Variants in ATL3 observed in about 807,000 individuals in gnomAD.
ATL3 encodes the protein atlastin GTPase 3.
ATL3 carries 49 observed loss-of-function variants against 69.5 expected under a neutral mutation model. That is an observed-to-expected ratio of 0.71 (90% confidence interval 0.56 to 0.89). The LOEUF (loss-of-function observed/expected upper bound fraction) is 0.89. ATL3 is among the 40% of genes least tolerant of loss of function. ATL3 has a pLI of 0.00. For synonymous variants in ATL3, 214 were observed against 224.1 expected, an observed-to-expected ratio of 0.95 and a Z score of 0.40; for missense variants, 606 against 645.7, an observed-to-expected ratio of 0.94 and a Z score of 0.67.
intron 5 of ATL3, among the ~76,000 whole-genome samples, chr11:63,647,580 T>C (rs1352241081): frequency 6.6e-6 from 1 of 152,188 alleles, no homozygotes; most frequent in South Asian, 2.1e-4. Context: ...TACTAGCATT[T>C]AAACTCCATG....
At chr11:63,637,170 G>A (rs1361989686) in intron 8 of ATL3, among the ~76,000 whole-genome samples, 4 of 152,018 alleles carry the variant, frequency 2.6e-5, no homozygotes, top group South Asian at 2.1e-4. Context: ...CCAGCTACTC[G>A]GGAGGCTGAA....
rs1303638366 is a variant in ATL3, at chr11:63,628,446, C to T, written c.*873G>A. 1 of 151,970 alleles carries T rather than the reference C, an allele frequency of 6.6e-6. No individual in the cohort carries two copies. Among genetic ancestry groups the T allele is most frequent in the Non-Finnish European group, 1.5e-5 (1 of 68,014 alleles). The allele number at this position is 151,970 out of a possible 1,614,324, so 9.4% of individuals were successfully genotyped here. ...TTCCACACTATGTGGCAACAGGATTCCCTATTGTAAATTTTTTTTGAGTGT... is the reference window on the plus strand; with the variant it reads ...TTCCACACTATGTGGCAACAGGATTTCCTATTGTAAATTTTTTTTGAGTGT... On this transcript the variant is annotated 3_prime_UTR_variant, in exon 13 of 13. Transcript: ENST00000398868.
intron 1 of ATL3, among the ~76,000 whole-genome samples, chr11:63,667,110 G>T (rs1940593783): frequency 6.6e-6 from 1 of 152,144 alleles, no homozygotes; most frequent in Admixed American, 6.6e-5. Context: ...CACTGTATAT[G>T]CTACCATGCC....
At chr11:63,647,134 C>T (rs1323209016) in intron 5 of ATL3, among the ~76,000 whole-genome samples, 3 of 152,194 alleles carry the variant, frequency 2.0e-5, no homozygotes, top group African/African-American at 7.2e-5. Context: ...TGAAGACTTC[C>T]ATGGCCATCT....
At chr11:63,648,703 G>A (rs1939969721) in intron 5 of ATL3, among the ~76,000 whole-genome samples, 1 of 152,128 alleles carries the variant, frequency 6.6e-6, no homozygotes, top group South Asian at 2.1e-4. Context: ...CAGCTTCTCA[G>A]GAGGCTGAGG....
chr11:63,636,549 A>C (rs1590721983), intron 8 of ATL3, among the ~76,000 whole-genome samples: 1 of 151,566 alleles, frequency 6.6e-6, no homozygotes, highest in Non-Finnish European at 1.5e-5. Flanking sequence ...GACCAGCCTG[A>C]CCAACATGGT....
intron 6 of ATL3, among the ~76,000 whole-genome samples, chr11:63,645,371 G>A (rs1004609181): frequency 6.6e-6 from 1 of 151,606 alleles, no homozygotes; most frequent in Non-Finnish European, 1.5e-5. Flanking sequence ...CTCCAGCCTG[G>A]GCAAAATTTT....
chr11:63,633,733 AG>A (rs113205258), intron 10 of ATL3, among the ~76,000 whole-genome samples: 79,686 of 127,530 alleles, frequency 0.62, 25,435 homozygotes, highest in African/African-American at 0.74. Flanking sequence ...AAAAAAAAAA[AG>A]AAGAAGGAAA....
rs1939155150 is a variant in ATL3, at chr11:63,627,523, C to T, written c.*1796G>A. 1 of 152,062 alleles carries T rather than the reference C, an allele frequency of 6.6e-6. No homozygotes were observed. The highest frequency in any genetic ancestry group is 1.5e-5 in the Non-Finnish European group (1 of 67,986). The allele number at this position is 152,062 out of a possible 1,614,324, so 9.4% of individuals were successfully genotyped here. ...ATGCGAAAAGGGACTTTTTTTCTAC[C>T]TTCCATTCATACTTCATGTATGTAA... On this transcript the variant is annotated 3_prime_UTR_variant, in exon 13 of 13. Coordinates refer to ENST00000398868, the MANE Select transcript of ATL3 (RefSeq NM_015459.5).
At chr11:63,639,659 G>A (rs1939627058) in intron 8 of ATL3, among the ~76,000 whole-genome samples, 1 of 152,124 alleles carries the variant, frequency 6.6e-6, no homozygotes, top group Non-Finnish European at 1.5e-5. Flanking sequence ...GGAGGCTAAG[G>A]TGGGAGGATT....
intron 3 of ATL3, 150 bp from the exon 4 acceptor site, chr11:63,652,725 T>C (rs1222703822): frequency 9.9e-6 from 5 of 503,046 alleles, no homozygotes; most frequent in Non-Finnish European, 1.8e-5. Context: ...TGTACAACTA[T>C]TTAGGTGCTT....
At chr11:63,660,582 A>G (rs1940389871) in intron 1 of ATL3, among the ~76,000 whole-genome samples, 1 of 152,202 alleles carries the variant, frequency 6.6e-6, no homozygotes, top group South Asian at 2.1e-4. Context: ...AAGAGAAATG[A>G]ATGCCTATGT....
chr11:63,640,792 G>C (rs1939676583), intron 8 of ATL3, among the ~76,000 whole-genome samples: 1 of 151,796 alleles, frequency 6.6e-6, no homozygotes, highest in African/African-American at 2.4e-5. Context: ...AGCAGAGACA[G>C]GGTTTCACCA....
intron 1 of ATL3, among the ~76,000 whole-genome samples, chr11:63,669,904 C>T (rs1342293236): frequency 6.6e-6 from 1 of 151,978 alleles, no homozygotes; most frequent in African/African-American, 2.4e-5. Context: ...GCCGAGACTG[C>T]GCCACTGTAC....
intron 1 of ATL3, among the ~76,000 whole-genome samples, chr11:63,659,567 G>A (rs1940360913): frequency 6.6e-6 from 1 of 152,056 alleles, no homozygotes; most frequent in Non-Finnish European, 1.5e-5. Context: ...AGGTTACAGT[G>A]AGCTATGACC....
At chr11:63,663,962 G>A (rs1421078833) in intron 1 of ATL3, among the ~76,000 whole-genome samples, 2 of 152,140 alleles carry the variant, frequency 1.3e-5, no homozygotes, top group African/African-American at 4.8e-5. Flanking sequence ...CTGCTTGCTG[G>A]CTAGATGTAA....
intron 5 of ATL3, among the ~76,000 whole-genome samples, chr11:63,649,904 G>A (rs1940016990): frequency 6.6e-6 from 1 of 152,004 alleles, no homozygotes; most frequent in African/African-American, 2.4e-5. Flanking sequence ...TTCTTAAGTA[G>A]AATAAAATAT....
Position 63,651,984 on chromosome 11 carries a change from A to C in ATL3, c.513T>G (p.Ile171Met). The C allele has an allele frequency of 1.4e-5, 23 of 1,602,222 alleles. No homozygotes were observed. Among genetic ancestry groups the C allele is most frequent in the Non-Finnish European group, 1.9e-5 (22 of 1,176,610 alleles). Residue 171 changes from isoleucine (I) to methionine (M), a missense_variant and splice_region_variant, in exon 5 of 13, where the codon ATT becomes ATG. Coordinates refer to ENST00000398868, the MANE Select transcript of ATL3 (RefSeq NM_015459.5). The part of the protein sequence containing the change: ...ALSTMTSSVQ[I>M]YNLSQNIQED... Reference sequence around the variant, plus strand: ...CTTGAATGTTCTGAGATAAATTATAAATCTAGAAAACAAAAATCCAGATTG... The same window carrying C: ...CTTGAATGTTCTGAGATAAATTATACATCTAGAAAACAAAAATCCAGATTG...
rs969404808 is a variant in ATL3, at chr11:63,628,305, G to C, written c.*1014C>G. On this transcript the variant is annotated 3_prime_UTR_variant, in exon 13 of 13. Coordinates refer to ENST00000398868, the MANE Select transcript of ATL3 (RefSeq NM_015459.5). Reference sequence around the variant, plus strand: ...GCACGTTTGCCTCTTTTTCTAGAAAGAAGCTATAGGGACCAAAAAAAAAAA... The same window carrying C: ...GCACGTTTGCCTCTTTTTCTAGAAACAAGCTATAGGGACCAAAAAAAAAAA... 6.9e-6 allele frequency: 1 copy of C among 144,812 alleles called. No individual in the cohort carries two copies. The highest frequency in any genetic ancestry group is 1.5e-5 in the Non-Finnish European group (1 of 66,402). 9.0% of individuals were successfully genotyped at this position (144,812 alleles called of 1,614,324 possible).
Sources: gnomAD v4.1 joint callset for allele counts (sites outside exome capture counted in the v4.1 genomes callset) on GRCh38, gnomAD v4.1.1 for gene constraint, MANE v1.5 for transcripts, NCBI Gene and HGNC (gene_info 2026-07-23, HGNC 2026-07-21) for gene names.